HSD17B12: variants seen among roughly 807,000 people sequenced by gnomAD.
The protein encoded by HSD17B12 is very-long-chain 3-oxoacyl-CoA reductase.
In HSD17B12, 32 loss-of-function variants were observed where a neutral mutation model predicts 39.3. The observed-to-expected ratio is 0.81, with a 90% CI of 0.61 to 1.09. HSD17B12 has a LOEUF of 1.09. Ranked by LOEUF, HSD17B12 falls within the 50% of genes least tolerant of loss-of-function variation. The probability of loss-of-function intolerance (pLI) is 0.00; values close to 1 mark genes in which losing one functional copy is unlikely to be tolerated. For synonymous variants in HSD17B12, 150 were observed against 146.7 expected (o/e 1.02, Z -0.16); for missense variants, 342 against 382.9 (o/e 0.89, Z 0.89).
chr11:43,675,100 T>C, the HSD17B12 span, among the ~76,000 whole-genome samples: 3 of 152,210 alleles, frequency 2.0e-5, no homozygotes, highest in South Asian at 6.2e-4. Context: ...TAGCTAAAGA[T>C]ACAGTGGTGA....
chr11:43,563,655 A>AT, the HSD17B12 span, among the ~76,000 whole-genome samples: 3 of 151,744 alleles, frequency 2.0e-5, 1 homozygote, highest in South Asian at 4.2e-4. Flanking sequence ...TCTCTACTAA[A>AT]TTTTTTTTTC....
At chr11:43,567,114 T>C in the HSD17B12 span, among the ~76,000 whole-genome samples, 2 of 152,230 alleles carry the variant, frequency 1.3e-5, no homozygotes, top group Non-Finnish European at 2.9e-5. Flanking sequence ...ACAACCATCC[T>C]GATGCAAATC....
At chr11:43,698,161 G>T (rs1234856442) in intron 1 of HSD17B12, among the ~76,000 whole-genome samples, 1 of 152,098 alleles carries the variant, frequency 6.6e-6, no homozygotes, top group East Asian at 1.9e-4. Context: ...TATGATTGTG[G>T]GGCTGAGGGA....
intron 1 of HSD17B12, among the ~76,000 whole-genome samples, chr11:43,750,133 C>T (rs1361550965): frequency 1.3e-5 from 2 of 152,026 alleles, no homozygotes; most frequent in Non-Finnish European, 2.9e-5. Flanking sequence ...CTTAAGTGTA[C>T]AGCTCAGTGA....
the HSD17B12 span, among the ~76,000 whole-genome samples, chr11:43,576,808 C>A: frequency 6.6e-6 from 1 of 152,026 alleles, no homozygotes; most frequent in African/African-American, 2.4e-5. Flanking sequence ...TGCAAAGAAA[C>A]CGAGAGAGGG....
intron 3 of HSD17B12, among the ~76,000 whole-genome samples, chr11:43,781,659 A>G (rs1376981334): frequency 6.6e-6 from 1 of 152,146 alleles, no homozygotes; most frequent in Non-Finnish European, 1.5e-5. Flanking sequence ...ATATATACAT[A>G]TATATACACA....
intron 3 of HSD17B12, among the ~76,000 whole-genome samples, chr11:43,777,583 T>C (rs1950719583): frequency 6.6e-6 from 1 of 152,190 alleles, no homozygotes; most frequent in African/African-American, 2.4e-5. Flanking sequence ...GTTCTCCTAA[T>C]TGAATGCCCT....
At chr11:43,617,672 A>C in the HSD17B12 span, among the ~76,000 whole-genome samples, 1 of 152,134 alleles carries the variant, frequency 6.6e-6, no homozygotes, top group Non-Finnish European at 1.5e-5. Flanking sequence ...CGCCAAAACC[A>C]AGCCCCTGAG....
chr11:43,853,362 A>C (rs1047806231), intron 9 of HSD17B12: 3 of 149,004 alleles, frequency 2.0e-5, no homozygotes, highest in Non-Finnish European at 4.4e-5. Context: ...AAAAAAAAAA[A>C]AACCAGAGAC....
At chr11:43,664,880 T>C in the HSD17B12 span, among the ~76,000 whole-genome samples, 1 of 152,232 alleles carries the variant, frequency 6.6e-6, no homozygotes, top group Non-Finnish European at 1.5e-5. Context: ...TTCTTGGTTT[T>C]TGGAAAGCAA....
chr11:43,604,184 C>A, the HSD17B12 span, among the ~76,000 whole-genome samples: 1 of 152,066 alleles, frequency 6.6e-6, no homozygotes, highest in African/African-American at 2.4e-5. Context: ...AAAAATAAAA[C>A]ATAATTATGA....
the HSD17B12 span, among the ~76,000 whole-genome samples, chr11:43,598,683 G>A: frequency 6.6e-6 from 1 of 151,960 alleles, no homozygotes; most frequent in Non-Finnish European, 1.5e-5. Context: ...GGTTCCAACT[G>A]CCCTGCCTTC....
rs769322611 is a variant in HSD17B12, at chr11:43,831,009, AG to A, written c.536+1del. ...ATTGGTACTGCCTGGCATGGTGGAA[AG>A]GTGAGTCACAAGCTCACATACAAAC... ...TQLVLPGMVERSKGAILNISS... is the reference protein window; with the variant it reads ...TQLVLPGMVEXSKGAILNISS... On this transcript the variant is annotated frameshift_variant and splice_region_variant, in exon 7 of 11. Coordinates refer to ENST00000278353, the MANE Select transcript of HSD17B12 (RefSeq NM_016142.3). LOFTEE classifies it high-confidence loss of function. The surrounding 1 kb of genome is among the most constrained non-coding windows in gnomAD (Gnocchi z 4.1). The A allele has an allele frequency of 4.0e-5, 65 of 1,606,784 alleles. No individual in the cohort carries two copies. The highest frequency in any genetic ancestry group is 4.7e-5 in the Non-Finnish European group (55 of 1,176,530).
At chr11:43,694,164 G>A (rs1949888945) in intron 1 of HSD17B12, among the ~76,000 whole-genome samples, 1 of 152,150 alleles carries the variant, frequency 6.6e-6, no homozygotes, top group Non-Finnish European at 1.5e-5. Context: ...ACCCTATGAG[G>A]CAGGTTAGGG....
chr11:43,633,832 T>C, the HSD17B12 span, among the ~76,000 whole-genome samples: 1 of 151,966 alleles, frequency 6.6e-6, no homozygotes, highest in Non-Finnish European at 1.5e-5. Flanking sequence ...CCCAGCACTT[T>C]GTGAGGCCGA....
chr11:43,656,703 C>T, the HSD17B12 span, among the ~76,000 whole-genome samples: 1,186 of 152,128 alleles, frequency 7.8e-3, 15 homozygotes, highest in Non-Finnish European at 6.7e-3. Flanking sequence ...TCATGTAGTT[C>T]AGCCGTTTTG....
chr11:43,792,100 A>C (rs1950872803), intron 3 of HSD17B12, among the ~76,000 whole-genome samples: 1 of 152,192 alleles, frequency 6.6e-6, no homozygotes, highest in African/African-American at 2.4e-5. Context: ...CATGTAAGGC[A>C]GGCTTTCTTT....
upstream of HSD17B12, among the ~76,000 whole-genome samples, chr11:43,679,302 T>C (rs1949719429): frequency 6.6e-6 from 1 of 152,140 alleles, no homozygotes; most frequent in Non-Finnish European, 1.5e-5. Context: ...AGGGATGCCC[T>C]CTCTCACCAC....
At chr11:43,728,510 C>G (rs1267077569) in intron 1 of HSD17B12, among the ~76,000 whole-genome samples, 1 of 152,062 alleles carries the variant, frequency 6.6e-6, no homozygotes, top group Middle Eastern at 3.4e-3. Flanking sequence ...ATTTATATTC[C>G]TCTACCTAGA....
Sources: gnomAD v4.1 joint callset for allele counts (sites outside exome capture counted in the v4.1 genomes callset) on GRCh38, gnomAD v4.1.1 for gene constraint, Gnocchi (gnomAD v3.1) non-coding constraint, MANE v1.5 for transcripts, NCBI Gene and HGNC (gene_info 2026-07-23, HGNC 2026-07-21) for gene names.